Variants in TULP4 observed in about 807,000 individuals in gnomAD.
TULP4 encodes the protein TUB like protein 4.
In TULP4, 16 loss-of-function variants were observed where a neutral mutation model predicts 129.0. The ratio of observed to expected loss-of-function variants is 0.12; its 90% CI spans 0.08 to 0.19. TULP4 has a LOEUF of 0.19. Among genes scored for constraint, TULP4 ranks in the 10% least tolerant of loss-of-function variants. The probability of loss-of-function intolerance (pLI) is 1.00; values close to 1 mark genes in which losing one functional copy is unlikely to be tolerated. For missense variants in TULP4, 1,842 were observed against 2,059.1 expected (o/e 0.89, Z 2.04); for synonymous variants, 998 against 854.0 (o/e 1.17, Z -2.94).
intron 1 of TULP4, among the ~76,000 whole-genome samples, chr6:158,241,302 A>G (rs1777902397): frequency 8.2e-6 from 1 of 121,842 alleles, no homozygotes; most frequent in African/African-American, 2.7e-5. Flanking sequence ...ATCCCAGATG[A>G]TGGGCGGCCA....
chr6:158,383,374 G>T (rs1438807869), intron 1 of TULP4, among the ~76,000 whole-genome samples: 2 of 152,080 alleles, frequency 1.3e-5, no homozygotes, highest in East Asian at 3.9e-4. Context: ...TACTTCTATG[G>T]TACTGTTGTG....
At position 158,332,174 on chromosome 6, in the gene TULP4, A is replaced by G. The variant is rs1779913513; in HGVS notation, c.252+17906A>G. ...TCGACAGAGTAAGACTCTGTCAAAAAAAAAAAAAAAAAAAAAAAAAAAAAA... is the reference window on the plus strand; with the variant it reads ...TCGACAGAGTAAGACTCTGTCAAAAGAAAAAAAAAAAAAAAAAAAAAAAAA... On this transcript the variant is annotated intron_variant, in intron 1 of 13. Coordinates refer to ENST00000367097, the MANE Select transcript of TULP4 (RefSeq NM_020245.5). 3.3e-5 allele frequency among the ~76,000 whole-genome samples: 2 copies of G among 60,930 alleles called. 1 individual carries two copies. The highest frequency in any genetic ancestry group is 2.0e-4 in the African/African-American group (2 of 10,246). The allele number at this position is 60,930 out of a possible 152,430, so 40.0% of individuals were successfully genotyped here. A position where few individuals can be genotyped will look rare whatever the true frequency, so the allele number is the denominator to read the frequency against.
chr6:158,385,073 G>C (rs920135887), intron 1 of TULP4, among the ~76,000 whole-genome samples: 2 of 152,058 alleles, frequency 1.3e-5, no homozygotes, highest in East Asian at 3.9e-4. Flanking sequence ...AGTTATCCTC[G>C]CCCACGTCAG....
At chr6:158,491,821 G>T (rs900384706) in intron 9 of TULP4, among the ~76,000 whole-genome samples, 1 of 150,010 alleles carries the variant, frequency 6.7e-6, no homozygotes, top group African/African-American at 2.5e-5. Flanking sequence ...CCTCCCTTTA[G>T]AGCAATCACT....
intron 1 of TULP4, among the ~76,000 whole-genome samples, chr6:158,318,023 A>G (rs1412908731): frequency 6.6e-6 from 1 of 151,980 alleles, no homozygotes; most frequent in Admixed American, 6.5e-5. Context: ...CTTTCTTGTA[A>G]ATTTGTTTAA....
chr6:158,447,305 A>G (rs1779073437), intron 3 of TULP4, among the ~76,000 whole-genome samples: 1 of 152,128 alleles, frequency 6.6e-6, no homozygotes, highest in Non-Finnish European at 1.5e-5. Context: ...TTGACAGCTA[A>G]AATTTCACCT....
intron 1 of TULP4, among the ~76,000 whole-genome samples, chr6:158,401,326 G>A (rs1401597556): frequency 6.6e-6 from 1 of 152,040 alleles, no homozygotes; most frequent in East Asian, 1.9e-4. Context: ...TGTCAGCCTC[G>A]GCCTCCCAAA....
chr6:158,378,485 T>TTTTTTTGTG (rs1554285635), intron 1 of TULP4, among the ~76,000 whole-genome samples: 8 of 51,410 alleles, frequency 1.6e-4, no homozygotes, highest in Non-Finnish European at 2.3e-4. Flanking sequence ...TTTTTTTTTT[T>TTTTTTTGTG]GGTGGGGGTG....
chr6:158,478,268 T>A (rs143716719), intron 6 of TULP4, among the ~76,000 whole-genome samples: 1 of 152,208 alleles, frequency 6.6e-6, no homozygotes, highest in East Asian at 1.9e-4. Flanking sequence ...AATAAAACCA[T>A]TTTTTGGGGG....
intron 1 of TULP4, among the ~76,000 whole-genome samples, chr6:158,350,800 G>T (rs1562530926): frequency 1.3e-5 from 2 of 151,148 alleles, no homozygotes; most frequent in Non-Finnish European, 3.0e-5. Context: ...TTGCTCTGTT[G>T]CCCAGGCTGG....
chr6:158,405,591 AGAGCAAG>A lies in TULP4; in HGVS notation c.253-7455_253-7449del, dbSNP rs536431013. 4.3e-3 allele frequency among the ~76,000 whole-genome samples: 656 copies of A among 152,290 alleles called. 5 individuals carry two copies. The highest frequency in any genetic ancestry group is 6.8e-3 in the Middle Eastern group (2 of 294). On this transcript the variant is annotated intron_variant, in intron 1 of 13. Transcript: ENST00000367097. Reference sequence around the variant, plus strand: ...AACTCAAGATACAATCGATCCTGGGAGAGCAAGGAGCAAGGAGCAAGGAGCCAGCAAG... The same window carrying A: ...AACTCAAGATACAATCGATCCTGGGAGAGCAAGGAGCAAGGAGCCAGCAAG...
intron 1 of TULP4, among the ~76,000 whole-genome samples, chr6:158,395,448 G>T (rs954677616): frequency 1.3e-5 from 2 of 152,120 alleles, no homozygotes; most frequent in East Asian, 1.9e-4. Context: ...GGGCATGGTG[G>T]TACTTGCCTG....
At position 158,449,093 on chromosome 6, in the gene TULP4, G is replaced by A; in HGVS notation, c.641G>A (p.Gly214Asp). Residue 214 changes from glycine (G) to aspartate (D), a missense_variant, in exon 4 of 14, where the codon GGC (glycine) becomes GAC (aspartate). Gly to Asp is a moderately conservative substitution (Grantham distance 94, BLOSUM62 -1). Around this residue, in one of 5 missense-constraint regions of TULP4, gnomAD observed 456 missense variants for 534.3 expected, o/e 0.85. Coordinates refer to ENST00000367097, the MANE Select transcript of TULP4 (RefSeq NM_020245.5). ...VLLHESDGVL[G>D]MSWNYPIFLV... is the part of the protein sequence containing the mutation. ...TTGCACGAGTCAGACGGTGTCCTCG[G>A]CATGTCCTGGAACTACCCGATCTTC... 1 of 1,614,094 alleles carries A rather than the reference G, an allele frequency of 6.2e-7. No individual in the cohort carries two copies. Among genetic ancestry groups the A allele is most frequent in the Non-Finnish European group, 8.5e-7 (1 of 1,180,024 alleles).
In TULP4 at chr6:158,465,325, T is replaced by G. The variant is rs113676224; in HGVS notation, c.1026+3596T>G. Among the ~76,000 whole-genome samples, 813 of 152,364 alleles carry G rather than the reference T, an allele frequency of 5.3e-3. 11 individuals are homozygous for G. Among genetic ancestry groups the G allele is most frequent in the African/African-American group, 0.019 (775 of 41,578 alleles). On this transcript the variant is annotated intron_variant, in intron 6 of 13. Transcript: ENST00000367097. ...TAAGGTTCATCCATGTTGTACCATG[T>G]GTCAGAATTTTCTTTCTTTTTAAGG...
intron 1 of TULP4, among the ~76,000 whole-genome samples, chr6:158,245,635 T>C (rs570863805): frequency 4.6e-5 from 7 of 152,318 alleles, no homozygotes; most frequent in Admixed American, 2.0e-4. Flanking sequence ...AGAACAGATA[T>C]ATGTACATAG....
At position 158,503,544 on chromosome 6, in the gene TULP4, C is replaced by T; in HGVS notation, c.3881C>T (p.Pro1294Leu). Residue 1294 changes from proline (P) to leucine (L), a missense_variant, in exon 13 of 14, where the codon CCA becomes CTA. By Grantham distance (98) the Pro-to-Leu change is moderately conservative (BLOSUM62 -3). Coordinates refer to ENST00000367097, the MANE Select transcript of TULP4 (RefSeq NM_020245.5). The surrounding 1 kb of genome is among the most constrained non-coding windows in gnomAD (Gnocchi z 4.3). ...HLVVEKPLVS[P>L]PPADLQSHLG... ...GTGGTGGAGAAGCCCCTTGTGTCCC[C>T]ACCACCTGCCGACCTCCAAAGCCAC... 1.2e-6 allele frequency: 2 copies of T among 1,614,010 alleles called. No homozygotes were observed. The highest frequency in any genetic ancestry group is 1.7e-6 in the Non-Finnish European group (2 of 1,180,026).
In TULP4 at chr6:158,502,237, G is replaced by T; in HGVS notation, c.2574G>T (p.Gln858His). Residue 858 changes from glutamine to histidine, a missense_variant, in exon 13 of 14, where the codon CAG (glutamine) becomes CAT (histidine). Physicochemically the swap from Gln to His is conservative, Grantham distance 24. Coordinates refer to ENST00000367097, the MANE Select transcript of TULP4 (RefSeq NM_020245.5). ...CCCCGCCCCCTCTGCCGCCCCCACA[G>T]CCCCCAGTGGATGTGTGCTTGAAGA... ...AAPPPPLPPP[Q>H]PPVDVCLKKG... The T allele has an allele frequency of 1.6e-6, 1 of 609,178 alleles. No individual in the cohort carries two copies. The highest frequency in any genetic ancestry group is 2.3e-6 in the Non-Finnish European group (1 of 439,514). The allele number at this position is 609,178 out of a possible 1,614,324, so 37.7% of individuals were successfully genotyped here.
intron 1 of TULP4, among the ~76,000 whole-genome samples, chr6:158,239,303 G>GC (rs1777800513): frequency 1.8e-5 from 1 of 55,312 alleles, no homozygotes; most frequent in Non-Finnish European, 4.0e-5. Flanking sequence ...TCCCAGTAGG[G>GC]GCGGCCGGGC....
At chr6:158,308,910 CGGGGCGGCTGGCCGGGCGGGGGGCTG>C (rs1779273449), upstream of TULP4, among the ~76,000 whole-genome samples, 9 of 140,628 alleles carry the variant, frequency 6.4e-5, no homozygotes, top group South Asian at 4.7e-4. Flanking sequence ...CCCTCCCGGA[CGGGGCGGCTGGCCGGGCGGGGGGCTG>C]ACCCACCCAC....
Sources: gnomAD v4.1 joint callset for allele counts (sites outside exome capture counted in the v4.1 genomes callset) on GRCh38, gnomAD v4.1.1 for gene constraint, gnomAD v4.1.1 regional missense constraint, Gnocchi (gnomAD v3.1) non-coding constraint, MANE v1.5 for transcripts, NCBI Gene and HGNC (gene_info 2026-07-23, HGNC 2026-07-21) for gene names.